KIF15: variants seen among roughly 807,000 people sequenced by gnomAD.
KIF15 encodes the protein kinesin-like protein KIF15.
Under a neutral mutation model 190.6 loss-of-function variants are expected in KIF15, and 140 were observed. That is an observed-to-expected ratio of 0.73 (90% confidence interval 0.64 to 0.84). The LOEUF is 0.84. KIF15 is among the 40% of genes least tolerant of loss of function. The pLI is 0.00. For synonymous variants in KIF15, 528 were observed against 551.3 expected (o/e 0.96, Z 0.59); for missense variants, 1,372 against 1,584.4 (o/e 0.87, Z 2.28).
At chr3:44,842,309 T>C (rs1316475055) in intron 29 of KIF15, among the ~76,000 whole-genome samples, 1 of 152,074 alleles carries the variant, frequency 6.6e-6, no homozygotes, top group Non-Finnish European at 1.5e-5. Context: ...GTCTGAGTAG[T>C]GGGGTGTGCA....
At chr3:44,817,307 T>G (rs1159832556) in intron 20 of KIF15, among the ~76,000 whole-genome samples, 1 of 152,214 alleles carries the variant, frequency 6.6e-6, no homozygotes, top group Non-Finnish European at 1.5e-5. Flanking sequence ...ACTCATGAAG[T>G]CTTTGCCCAT....
intron 6 of KIF15, among the ~76,000 whole-genome samples, chr3:44,860,665 C>A (rs1255070831): frequency 6.6e-6 from 1 of 152,138 alleles, no homozygotes; most frequent in Non-Finnish European, 1.5e-5. Flanking sequence ...AGCCACCGTG[C>A]CTGGCCTTAT....
In KIF15 at chr3:44,797,755, G is replaced by T. The variant is rs546295631; in HGVS notation, c.975+79G>T. On this transcript the variant is annotated intron_variant, in intron 9 of 34. Transcript: ENST00000326047. Reference sequence around the variant, plus strand: ...GTGGGACAGTCTCTCAGCCTTGGTGGCAAGAGTATACATTTTCTTTGCTTA... The same window carrying T: ...GTGGGACAGTCTCTCAGCCTTGGTGTCAAGAGTATACATTTTCTTTGCTTA... 21 of 1,602,170 alleles carry T rather than the reference G, an allele frequency of 1.3e-5. No individual in the cohort carries two copies. In the East Asian group the frequency reaches 4.5e-4, roughly 34 times the overall value.
At chr3:44,810,060 G>T (rs903368148) in intron 16 of KIF15, among the ~76,000 whole-genome samples, 1 of 152,032 alleles carries the variant, frequency 6.6e-6, no homozygotes, top group African/African-American at 2.4e-5. Flanking sequence ...GAACAAGACT[G>T]TGTCTCAAAA....
intron 20 of KIF15, 111 bp from the exon 21 acceptor site, chr3:44,825,928 A>G (rs1458654947): frequency 2.2e-6 from 2 of 927,240 alleles, no homozygotes; most frequent in Admixed American, 6.3e-5. Context: ...CTCGAGGCTT[A>G]TGTGAGTTGG....
chr3:44,862,028 G>A, intron 6 of KIF15: 2 of 1,382,802 alleles, frequency 1.4e-6, no homozygotes, highest in Non-Finnish European at 1.9e-6. Context: ...GCGATGCGGC[G>A]CCGCTTTTGG....
In KIF15 at chr3:44,801,851, C is replaced by A; in HGVS notation, c.1386C>A (p.Phe462Leu). 1 of 1,611,932 alleles carries A rather than the reference C, an allele frequency of 6.2e-7. No homozygotes were observed. Among genetic ancestry groups the A allele is most frequent in the Non-Finnish European group, 8.5e-7 (1 of 1,178,306 alleles). ...AATCTAATAAAATGATTGTGAAATT[C>A]CGAGAGGATCAAATAATACGCTTGG... is the stretch of plus-strand genomic sequence containing the variant. ...FIQSNKMIVK[F>L]REDQIIRLEK... Residue 462 changes from phenylalanine to leucine, a missense_variant, in exon 13 of 35, where the codon TTC becomes TTA. Physicochemically the swap from Phe to Leu is conservative, Grantham distance 22. Coordinates refer to ENST00000326047, the MANE Select transcript of KIF15 (RefSeq NM_020242.3).
At chr3:44,806,817 C>G (rs1298910874) in intron 16 of KIF15, among the ~76,000 whole-genome samples, 4 of 152,100 alleles carry the variant, frequency 2.6e-5, no homozygotes, top group Admixed American at 2.6e-4. Context: ...GCAATCTCAG[C>G]TCACTGCAAC....
At chr3:44,815,680 T>C (rs1183237675) in intron 20 of KIF15, among the ~76,000 whole-genome samples, 3 of 152,242 alleles carry the variant, frequency 2.0e-5, no homozygotes, top group Non-Finnish European at 4.4e-5. Flanking sequence ...AGTGCTGATA[T>C]CTTGAAACAA....
At position 44,843,169 on chromosome 3, in the gene KIF15, G is replaced by C; in HGVS notation, c.3630G>C (p.Gln1210His). The C allele has an allele frequency of 2.5e-6, 4 of 1,613,524 alleles. No individual in the cohort carries two copies. Among genetic ancestry groups the C allele is most frequent in the Non-Finnish European group, 3.4e-6 (4 of 1,179,724 alleles). The change falls in exon 30 of 35, where the codon CAG becomes CAC. Residue 1210 changes from glutamine (Q) to histidine (H), a missense_variant. Gln to His is a conservative substitution (Grantham distance 24). Transcript: ENST00000326047. Reference sequence around the variant, plus strand: ...AAAACCTACGCCTGGAAAGTCAGCAGTTAATAGAGAAAAACTGGCTCCTGC... The same window carrying C: ...AAAACCTACGCCTGGAAAGTCAGCACTTAATAGAGAAAAACTGGCTCCTGC... ...EMENLRLESQQLIEKNWLLQG... is the reference protein window; with the variant it reads ...EMENLRLESQHLIEKNWLLQG...
At chr3:44,809,436 G>C (rs1333520938) in intron 16 of KIF15, among the ~76,000 whole-genome samples, 1 of 152,024 alleles carries the variant, frequency 6.6e-6, no homozygotes, top group African/African-American at 2.4e-5. Context: ...GATGTAGCCA[G>C]GTTTATTGAC....
chr3:44,767,894 C>CA (rs1181321859), intron 1 of KIF15, among the ~76,000 whole-genome samples: 1,426 of 36,416 alleles, frequency 0.039, 39 homozygotes, highest in African/African-American at 0.05. Context: ...GACTCCATCT[C>CA]AAAAAAAAAA....
chr3:44,846,515 G>T (rs1042911083), intron 30 of KIF15, among the ~76,000 whole-genome samples: 1 of 152,002 alleles, frequency 6.6e-6, no homozygotes, highest in Admixed American at 6.6e-5. Flanking sequence ...GCTCACGCCT[G>T]TAATTCCAGC....
Position 44,815,639 on chromosome 3 carries a change from AC to A in KIF15, c.2549+564del, listed in dbSNP as rs1331449303. Among the ~76,000 whole-genome samples the A allele has an allele frequency of 2.6e-5, 4 of 152,344 alleles. No homozygotes were observed. In the East Asian group the frequency reaches 7.7e-4, roughly 29 times the overall value. ...AACAATAGTCTTCACTGCTGTGCAC[AC>A]TAACTCTACAAAGGCTGGCTGATTA... On this transcript the variant is annotated intron_variant, in intron 20 of 34. Transcript: ENST00000326047.
intron 6 of KIF15, chr3:44,862,328 C>A: frequency 5.8e-6 from 1 of 171,506 alleles, no homozygotes; most frequent in Non-Finnish European, 1.2e-5. Flanking sequence ...TGTTTCGCCT[C>A]TAATCACGCC....
chr3:44,830,792 T>C, intron 25 of KIF15, 104 bp from the exon 26 acceptor site: 2 of 1,082,060 alleles, frequency 1.8e-6, no homozygotes, highest in Non-Finnish European at 1.3e-6. Flanking sequence ...TGAATTATCT[T>C]GTGTTAATCT....
intron 16 of KIF15, among the ~76,000 whole-genome samples, chr3:44,807,726 A>C (rs1707581119): frequency 6.6e-6 from 1 of 151,640 alleles, no homozygotes; most frequent in African/African-American, 2.4e-5. Context: ...GTTTTAAAGC[A>C]ATATTTTAGA....
At chr3:44,847,542 A>G (rs1354128403) in intron 30 of KIF15, among the ~76,000 whole-genome samples, 1 of 152,190 alleles carries the variant, frequency 6.6e-6, no homozygotes, top group East Asian at 1.9e-4. Context: ...TGAGCAAAAG[A>G]GAGTCAAGGA....
chr3:44,806,066 AT>A, intron 16 of KIF15, 80 bp downstream of exon 16: 1 of 1,449,848 alleles, frequency 6.9e-7, no homozygotes, highest in African/African-American at 1.4e-5. Context: ...TGCATGGTCT[AT>A]CTCCAGATGC....
Sources: gnomAD v4.1 joint callset for allele counts (sites outside exome capture counted in the v4.1 genomes callset) on GRCh38, gnomAD v4.1.1 for gene constraint, MANE v1.5 for transcripts, NCBI Gene and HGNC (gene_info 2026-07-23, HGNC 2026-07-21) for gene names.